GRIK1: variants seen among roughly 807,000 people sequenced by gnomAD.
The protein encoded by GRIK1 is glutamate receptor ionotropic, kainate 1.
In GRIK1, 69 loss-of-function variants were observed where a neutral mutation model predicts 105.7. That is an observed-to-expected ratio of 0.65 (90% CI 0.54 to 0.80). GRIK1 has a LOEUF of 0.80. Among genes scored for constraint, GRIK1 ranks in the 30% least tolerant of loss-of-function variants. GRIK1 has a pLI of 0.00. For missense variants in GRIK1, 1,109 were observed against 1,167.3 expected, an observed-to-expected ratio of 0.95 and a Z score of 0.73; for synonymous variants, 438 against 431.3, an observed-to-expected ratio of 1.02 and a Z score of -0.19.
intron 1 of GRIK1, among the ~76,000 whole-genome samples, chr21:29,858,328 C>T (rs573421264): frequency 6.6e-6 from 1 of 152,306 alleles, no homozygotes; most frequent in African/African-American, 2.4e-5. Flanking sequence ...GTGACGTTTG[C>T]CCATGAAACC....
intron 1 of GRIK1, among the ~76,000 whole-genome samples, chr21:29,897,673 G>A (rs2070222246): frequency 6.6e-6 from 1 of 152,194 alleles, no homozygotes; most frequent in African/African-American, 2.4e-5. Flanking sequence ...GTGAATTAAT[G>A]TGACATCTTA....
At chr21:29,701,086 T>C (rs1335995288) in intron 1 of GRIK1, among the ~76,000 whole-genome samples, 2 of 152,246 alleles carry the variant, frequency 1.3e-5, no homozygotes, top group Admixed American at 6.5e-5. Flanking sequence ...TGGTTATATA[T>C]ATTATGTCCA....
chr21:29,700,076 C>T (rs1443376549), intron 1 of GRIK1, among the ~76,000 whole-genome samples: 1 of 152,126 alleles, frequency 6.6e-6, no homozygotes. Flanking sequence ...TAAGATAAGC[C>T]AAGAGGAATT....
At chr21:29,756,754 T>TA (rs2065353357) in intron 1 of GRIK1, among the ~76,000 whole-genome samples, 1 of 152,064 alleles carries the variant, frequency 6.6e-6, no homozygotes, top group African/African-American at 2.4e-5. Flanking sequence ...CACAACAGTT[T>TA]AAAAAAATAA....
intron 1 of GRIK1, 114 bp from the exon 2 acceptor site, chr21:29,694,177 T>C: frequency 1.5e-6 from 1 of 677,672 alleles, no homozygotes; most frequent in Non-Finnish European, 2.4e-6. Context: ...CAGACTGGAG[T>C]GCAATGGCAC....
chr21:29,618,576 A>C (rs1391981371), intron 7 of GRIK1, among the ~76,000 whole-genome samples: 1 of 152,222 alleles, frequency 6.6e-6, no homozygotes, highest in Non-Finnish European at 1.5e-5. Flanking sequence ...TTATAGCAGC[A>C]CAAATTCACA....
At chr21:29,763,378 C>G (rs573226453) in intron 1 of GRIK1, among the ~76,000 whole-genome samples, 51 of 194 alleles carry the variant, frequency 0.26, no homozygotes, top group Non-Finnish European at 0.34. Flanking sequence ...TCATAAATTA[C>G]CCCATTCAGG....
At chr21:29,829,132 AT>A (rs1318250888) in intron 1 of GRIK1, among the ~76,000 whole-genome samples, 3 of 152,132 alleles carry the variant, frequency 2.0e-5, no homozygotes, top group Admixed American at 6.6e-5. Context: ...CTGTGTTTAC[AT>A]TTCATAGAAA....
At chr21:29,636,526 G>A (rs1156845773) in intron 7 of GRIK1, among the ~76,000 whole-genome samples, 1 of 152,186 alleles carries the variant, frequency 6.6e-6, no homozygotes, top group Non-Finnish European at 1.5e-5. Context: ...ATATCCTGAT[G>A]GAGAATTTGT....
At chr21:29,560,507 C>CCTTTCTTT (rs1491216329) in intron 15 of GRIK1, among the ~76,000 whole-genome samples, 21 of 30,142 alleles carry the variant, frequency 7.0e-4, no homozygotes, top group Non-Finnish European at 1.1e-3. Flanking sequence ...TTCCTTCCTT[C>CCTTTCTTT]CTTCCTTCCT....
At chr21:29,634,821 C>G (rs2062361469) in intron 7 of GRIK1, among the ~76,000 whole-genome samples, 2 of 152,090 alleles carry the variant, frequency 1.3e-5, no homozygotes, top group Admixed American at 1.3e-4. Flanking sequence ...TGTTATTAGG[C>G]AGGTTTAGTC....
chr21:29,835,400 C>G (rs1000013828), intron 1 of GRIK1, among the ~76,000 whole-genome samples: 9 of 152,166 alleles, frequency 5.9e-5, no homozygotes. Context: ...CCTAACATAA[C>G]TGGTCTTGTT....
chr21:29,781,394 C>G (rs2066094567), intron 1 of GRIK1, among the ~76,000 whole-genome samples: 1 of 151,904 alleles, frequency 6.6e-6, no homozygotes, highest in African/African-American at 2.4e-5. Context: ...CTTTCATGGC[C>G]TACTATCATC....
At chr21:29,919,913 C>G (rs1217921775) in intron 1 of GRIK1, among the ~76,000 whole-genome samples, 1 of 151,882 alleles carries the variant, frequency 6.6e-6, no homozygotes, top group Non-Finnish European at 1.5e-5. Context: ...GTAAATAAAC[C>G]AATTAAGTTT....
chr21:29,688,100 A>G (rs2146706883), intron 3 of GRIK1, among the ~76,000 whole-genome samples: 1 of 152,342 alleles, frequency 6.6e-6, no homozygotes, highest in African/African-American at 2.4e-5. Flanking sequence ...TGATTAGATA[A>G]TGATTTATTC....
chr21:29,770,123 C>A (rs1325715282), intron 1 of GRIK1, among the ~76,000 whole-genome samples: 4 of 152,170 alleles, frequency 2.6e-5, no homozygotes, highest in Non-Finnish European at 5.9e-5. Context: ...CATAGTTCTT[C>A]TTTCAACTGA....
chr21:29,888,711 A>G (rs927873278), intron 1 of GRIK1, among the ~76,000 whole-genome samples: 21 of 152,250 alleles, frequency 1.4e-4, no homozygotes, highest in African/African-American at 4.3e-4. Flanking sequence ...GCAGCATTGC[A>G]ACAGCCTGAA....
intron 1 of GRIK1, among the ~76,000 whole-genome samples, chr21:29,895,551 C>T (rs2070109743): frequency 6.6e-6 from 1 of 152,198 alleles, no homozygotes; most frequent in Admixed American, 6.5e-5. Flanking sequence ...CTTAGCCCAT[C>T]CATGTCTCTC....
intron 1 of GRIK1, among the ~76,000 whole-genome samples, chr21:29,725,079 A>G (rs929742323): frequency 1.3e-5 from 2 of 151,510 alleles, no homozygotes; most frequent in African/African-American, 4.8e-5. Flanking sequence ...ACCTTTTCTG[A>G]GAGTCCACTC....
Sources: gnomAD v4.1 joint callset for allele counts (sites outside exome capture counted in the v4.1 genomes callset) on GRCh38, gnomAD v4.1.1 for gene constraint, MANE v1.5 for transcripts, NCBI Gene and HGNC (gene_info 2026-07-23, HGNC 2026-07-21) for gene names.